FLT1: variants seen among roughly 807,000 people sequenced by gnomAD.
FLT1 encodes vascular endothelial growth factor receptor 1.
In FLT1, 49 loss-of-function variants were observed where a neutral mutation model predicts 156.3. The ratio of observed to expected loss-of-function variants is 0.31; its 90% CI spans 0.25 to 0.40. The LOEUF is 0.40. Ranked by LOEUF, FLT1 falls within the 10% of genes least tolerant of loss-of-function variation. FLT1 has a pLI of 1.00. For synonymous variants in FLT1, 594 were observed against 583.8 expected (o/e 1.02, Z -0.25); for missense variants, 1,322 against 1,637.2 (o/e 0.81, Z 3.32).
At position 28,372,566 on chromosome 13, in the gene FLT1, G is replaced by GTATACATATATATATA. The variant is rs1555232433; in HGVS notation, c.2116+12318_2116+12319insTATATATATATGTATA. The stretch of plus-strand genomic sequence containing the variant: ...CATATATTCCTCGTTTAAATAAAAT[G>GTATACATATATATATA]TATATATATATATATATATATATAT... On this transcript the variant is annotated intron_variant, in intron 14 of 29. Transcript: ENST00000282397. Among the ~76,000 whole-genome samples, 23 of 91,456 alleles carry GTATACATATATATATA rather than the reference G, an allele frequency of 2.5e-4. 1 individual carries two copies. In the South Asian group the frequency reaches 3.5e-3, roughly 14 times the overall value. The allele number at this position is 91,456 out of a possible 152,430, so 60.0% of individuals were successfully genotyped here. A position where few individuals can be genotyped will look rare whatever the true frequency, so the allele number is the denominator to read the frequency against.
chr13:28,488,633 T>G (rs1220123924), intron 1 of FLT1, among the ~76,000 whole-genome samples: 6 of 151,858 alleles, frequency 4.0e-5, no homozygotes, highest in Admixed American at 6.6e-5. Context: ...TGGGCCGGGA[T>G]GGGGGTGAGG....
At chr13:28,333,731 C>T (rs149131991) in intron 18 of FLT1, among the ~76,000 whole-genome samples, 1 of 152,256 alleles carries the variant, frequency 6.6e-6, no homozygotes, top group African/African-American at 2.4e-5. Flanking sequence ...TTACAATGGG[C>T]TTAAGTCCCT....
At chr13:28,331,561 G>T (rs1464909164) in intron 18 of FLT1, among the ~76,000 whole-genome samples, 2 of 152,194 alleles carry the variant, frequency 1.3e-5, no homozygotes, top group Non-Finnish European at 1.5e-5. Context: ...CTCTCAAGTA[G>T]CTGGGACTAC....
chr13:28,489,421 T>G (rs940890711), intron 1 of FLT1, among the ~76,000 whole-genome samples: 1 of 152,114 alleles, frequency 6.6e-6, no homozygotes, highest in African/African-American at 2.4e-5. Context: ...ACATGGGGTC[T>G]CTACCAAAGA....
At position 28,460,830 on chromosome 13, in the gene FLT1, G is replaced by C. The variant is rs865995127; in HGVS notation, c.388+6073C>G. On this transcript the variant is annotated intron_variant, in intron 3 of 29. Transcript: ENST00000282397. Reference sequence around the variant, plus strand: ...CACACACACACACACACACACACACGCACGTATGTACTTTACATTTATGAG... The same window carrying C: ...CACACACACACACACACACACACACCCACGTATGTACTTTACATTTATGAG... 2.1e-5 allele frequency among the ~76,000 whole-genome samples: 3 copies of C among 144,204 alleles called. No individual in the cohort carries two copies. In the East Asian group the frequency reaches 6.1e-4, roughly 29 times the overall value. The allele number at this position is 144,204 out of a possible 152,430, so 94.6% of individuals were successfully genotyped here.
In FLT1 at chr13:28,483,065, T is replaced by C. The variant is rs1471910251; in HGVS notation, c.64+11715A>G. On this transcript the variant is annotated intron_variant, in intron 1 of 29. Transcript: ENST00000282397. The stretch of plus-strand genomic sequence containing the variant: ...TTTCCACACATATATTTTTCTCTAG[T>C]TCTACCAGAAGTCCTTATGGAGAGG... Among the ~76,000 whole-genome samples the C allele has an allele frequency of 2.6e-5, 4 of 152,200 alleles. No individual in the cohort carries two copies. The East Asian group carries it at 7.7e-4, about 29-fold the overall frequency.
intron 18 of FLT1, among the ~76,000 whole-genome samples, chr13:28,332,999 C>T (rs1475819129): frequency 6.6e-6 from 1 of 152,214 alleles, no homozygotes. Context: ...AACTCCTTCC[C>T]AGACTACTTT....
chr13:28,368,179 G>A, intron 14 of FLT1: 1 of 451,666 alleles, frequency 2.2e-6, no homozygotes, highest in South Asian at 8.8e-5. Flanking sequence ...TTGAGACGGA[G>A]TTTCGCTCTT....
chr13:28,383,696 G>A (rs1228253469), intron 14 of FLT1, among the ~76,000 whole-genome samples: 1 of 151,842 alleles, frequency 6.6e-6, no homozygotes, highest in Non-Finnish European at 1.5e-5. Flanking sequence ...GGGTGTGGCG[G>A]CGGGCACCTG....
intron 1 of FLT1, among the ~76,000 whole-genome samples, chr13:28,489,750 A>G (rs1328232287): frequency 6.6e-6 from 1 of 152,158 alleles, no homozygotes; most frequent in Non-Finnish European, 1.5e-5. Context: ...GTGTGTGGAG[A>G]GAAGTGGCGA....
At chr13:28,319,287 C>T (rs1244494035) in intron 24 of FLT1, 136 bp downstream of exon 24, 2 of 688,966 alleles carry the variant, frequency 2.9e-6, no homozygotes, top group Admixed American at 2.0e-5. Flanking sequence ...TGAGAGTCTA[C>T]ATGGGCCCAT....
chr13:28,340,887 G>T (rs1593693521), intron 16 of FLT1, among the ~76,000 whole-genome samples: 1 of 151,966 alleles, frequency 6.6e-6, no homozygotes, highest in African/African-American at 2.4e-5. Context: ...GTTGCCATTG[G>T]GTTAGACTAT....
At chr13:28,418,891 A>T (rs1446310943) in intron 10 of FLT1, among the ~76,000 whole-genome samples, 1 of 152,030 alleles carries the variant, frequency 6.6e-6, no homozygotes, top group Non-Finnish European at 1.5e-5. Context: ...TTATACCATA[A>T]TCTGAAAACA....
intron 19 of FLT1, among the ~76,000 whole-genome samples, chr13:28,328,584 C>A (rs934681198): frequency 2.0e-5 from 3 of 152,214 alleles, no homozygotes; most frequent in African/African-American, 7.2e-5. Flanking sequence ...ACGAGGAACA[C>A]GCTAGAAATC....
intron 1 of FLT1, among the ~76,000 whole-genome samples, chr13:28,477,364 C>A (rs1464841107): frequency 2.6e-5 from 4 of 152,126 alleles, no homozygotes; most frequent in African/African-American, 9.7e-5. Flanking sequence ...AAGGAGTTAC[C>A]TTTTCCCAAA....
intron 20 of FLT1, among the ~76,000 whole-genome samples, chr13:28,325,462 G>C (rs147530532): frequency 4.6e-5 from 7 of 152,070 alleles, no homozygotes; most frequent in African/African-American, 1.7e-4. Context: ...TTCTCTGAAC[G>C]CATCTGCAGC....
At chr13:28,333,672 G>A (rs1210284124) in intron 18 of FLT1, among the ~76,000 whole-genome samples, 1 of 152,196 alleles carries the variant, frequency 6.6e-6, no homozygotes. Context: ...GTGCTGCTAA[G>A]TTTCCATTAC....
At chr13:28,447,042 A>C (rs750073777) in intron 3 of FLT1, among the ~76,000 whole-genome samples, 6 of 152,026 alleles carry the variant, frequency 3.9e-5, no homozygotes, top group Non-Finnish European at 8.8e-5. Context: ...AATCTTTTCA[A>C]CAAATGGTGC....
chr13:28,412,455 T>C (rs1214129540), intron 10 of FLT1, among the ~76,000 whole-genome samples: 3 of 150,934 alleles, frequency 2.0e-5, no homozygotes, highest in Admixed American at 1.3e-4. Context: ...GGGGTCTCAC[T>C]GTGTTCCTCA....
Sources: allele counts gnomAD v4.1 joint callset (sites outside exome capture counted in the v4.1 genomes callset), GRCh38; gene constraint gnomAD v4.1.1; transcripts MANE v1.5; gene names NCBI Gene and HGNC (gene_info 2026-07-23, HGNC 2026-07-21).